Variants in ZPBP observed in about 807,000 individuals in gnomAD.
ZPBP encodes zona pellucida binding protein, also known as zona pellucida-binding protein 1.
A neutral mutation model predicts 44.8 loss-of-function variants in ZPBP; 26 were observed. The observed-to-expected ratio is 0.58, with a 90% CI of 0.43 to 0.81. The LOEUF (loss-of-function observed/expected upper bound fraction) is 0.81, where lower values mean the gene tolerates loss of function less well. Among genes scored for constraint, ZPBP ranks in the 30% least tolerant of loss-of-function variants. ZPBP has a pLI of 0.00. For missense variants in ZPBP, 409 were observed against 434.0 expected, an observed-to-expected ratio of 0.94 and a Z score of 0.51; for synonymous variants, 174 against 153.2, an observed-to-expected ratio of 1.14 and a Z score of -1.00.
chr7:49,850,848 T>C (rs1790147557), intron 2 of ZPBP, among the ~76,000 whole-genome samples: 1 of 152,212 alleles, frequency 6.6e-6, no homozygotes, highest in Non-Finnish European at 1.5e-5. Flanking sequence ...GGTCAGGCAC[T>C]GTGCTGGCCA....
At position 49,929,303 on chromosome 7, in the gene ZPBP, C is replaced by T. The variant is rs117555884; in HGVS notation, n.411+6448G>A. 7.0e-4 allele frequency among the ~76,000 whole-genome samples: 107 copies of T among 152,274 alleles called. No homozygotes were observed. The East Asian group carries it at 0.018, about 25-fold the overall frequency. ...GCAGAAAGAAGGAGAGATGCACCTC[C>T]GCATCTTTTGTCACCATGCTTGATC... On this transcript the variant is annotated intron_variant and non_coding_transcript_variant, in intron 1 of 2. Transcript: ENST00000465922.
intron 2 of ZPBP, among the ~76,000 whole-genome samples, chr7:49,879,411 A>G (rs1013689804): frequency 3.9e-5 from 6 of 152,176 alleles, no homozygotes; most frequent in African/African-American, 1.4e-4. Context: ...AGATGCCATT[A>G]TCTTATCCGG....
At chr7:49,997,462 A>G (rs1584009303) in intron 6 of ZPBP, among the ~76,000 whole-genome samples, 2 of 152,206 alleles carry the variant, frequency 1.3e-5, no homozygotes, top group African/African-American at 4.8e-5. Flanking sequence ...AAACTTAAGT[A>G]GTTATTTTGA....
intron 1 of ZPBP, among the ~76,000 whole-genome samples, chr7:49,902,591 C>T (rs1465433592): frequency 6.7e-6 from 1 of 148,244 alleles, no homozygotes; most frequent in Admixed American, 6.7e-5. Context: ...CCAAACCTCA[C>T]ACCCTATGAA....
At chr7:49,922,568 G>A (rs1794068642) in intron 1 of ZPBP, among the ~76,000 whole-genome samples, 1 of 152,166 alleles carries the variant, frequency 6.6e-6, no homozygotes, top group Non-Finnish European at 1.5e-5. Flanking sequence ...CCAACGGCTG[G>A]AAAAGCCCAA....
At chr7:50,040,509 A>G (rs771043191) in intron 4 of ZPBP, among the ~76,000 whole-genome samples, 11 of 152,218 alleles carry the variant, frequency 7.2e-5, no homozygotes, top group Non-Finnish European at 1.2e-4. Context: ...TGCAGCCTAC[A>G]GTGGGCGAGC....
chr7:49,866,215 A>G (rs906825863), intron 2 of ZPBP, among the ~76,000 whole-genome samples: 1 of 152,134 alleles, frequency 6.6e-6, no homozygotes, highest in African/African-American at 2.4e-5. Context: ...GGGAGAACCA[A>G]TAGACCCTTC....
At chr7:50,042,901 G>C (rs893338150) in intron 4 of ZPBP, among the ~76,000 whole-genome samples, 29 of 152,004 alleles carry the variant, frequency 1.9e-4, no homozygotes, top group Admixed American at 1.5e-3. Flanking sequence ...CCCATCTGTT[G>C]GGAACAAACC....
chr7:50,072,456 T>C (rs564716542), intron 3 of ZPBP, among the ~76,000 whole-genome samples: 2 of 152,370 alleles, frequency 1.3e-5, no homozygotes, highest in East Asian at 1.9e-4. Flanking sequence ...GACAAAGGCC[T>C]GGCTGGCTTT....
chr7:49,903,749 G>T (rs1442750228), intron 1 of ZPBP, among the ~76,000 whole-genome samples: 1 of 152,150 alleles, frequency 6.6e-6, no homozygotes, highest in Non-Finnish European at 1.5e-5. Flanking sequence ...AGGGTTTGTG[G>T]TCTTGCTCCA....
chr7:49,937,187 T>C (rs2128751744), downstream of ZPBP, among the ~76,000 whole-genome samples: 1 of 152,258 alleles, frequency 6.6e-6, no homozygotes, highest in East Asian at 1.9e-4. Flanking sequence ...TACAAGAATA[T>C]GGTGGCCTGG....
chr7:49,972,533 CA>C lies in ZPBP; in HGVS notation c.961+10808del, dbSNP rs758617466. 5.9e-5 allele frequency among the ~76,000 whole-genome samples: 9 copies of C among 151,882 alleles called. No homozygotes were observed. The East Asian group carries it at 1.4e-3, about 23-fold the overall frequency. ...TTAGGAATAAATGTATGCAAGGAGGCAAAAGGCTTGTACACTGAAATCTATA... is the reference window on the plus strand; with the variant it reads ...TTAGGAATAAATGTATGCAAGGAGGCAAAGGCTTGTACACTGAAATCTATA... On this transcript the variant is annotated intron_variant, in intron 7 of 7. Coordinates refer to ENST00000046087, the MANE Select transcript of ZPBP (RefSeq NM_007009.3).
chr7:50,079,678 A>C (rs1802269101), intron 3 of ZPBP, among the ~76,000 whole-genome samples: 1 of 151,708 alleles, frequency 6.6e-6, no homozygotes, highest in Non-Finnish European at 1.5e-5. Context: ...TGTATACTTG[A>C]AATTTTATGA....
intron 5 of ZPBP, among the ~76,000 whole-genome samples, chr7:50,018,930 GAATTTAGCAATGTAGA>G (rs955448302): frequency 1.3e-5 from 2 of 151,990 alleles, no homozygotes; most frequent in African/African-American, 4.8e-5. Context: ...AAATCCCATT[GAATTTAGCAATGTAGA>G]AATGAGTACT....
chr7:50,014,069 G>A (rs1231161323), intron 6 of ZPBP, among the ~76,000 whole-genome samples: 1 of 152,040 alleles, frequency 6.6e-6, no homozygotes, highest in Admixed American at 6.6e-5. Flanking sequence ...TGAAGGAGGA[G>A]ACAATATATT....
chr7:50,052,362 T>A (rs1800738092), intron 4 of ZPBP, among the ~76,000 whole-genome samples: 1 of 152,164 alleles, frequency 6.6e-6, no homozygotes, highest in Non-Finnish European at 1.5e-5. Flanking sequence ...TAATACATCA[T>A]TAGAAATTAT....
chr7:49,881,909 T>A (rs1396069679), intron 2 of ZPBP, among the ~76,000 whole-genome samples: 1 of 152,096 alleles, frequency 6.6e-6, no homozygotes, highest in Non-Finnish European at 1.5e-5. Flanking sequence ...GTATACTCAA[T>A]TTCCAATTAA....
At chr7:50,016,147 C>G (rs1189419161) in intron 6 of ZPBP, among the ~76,000 whole-genome samples, 1 of 152,076 alleles carries the variant, frequency 6.6e-6, no homozygotes, top group Non-Finnish European at 1.5e-5. Flanking sequence ...ATAGCAAAGA[C>G]ATGGAATCAA....
intron 6 of ZPBP, among the ~76,000 whole-genome samples, chr7:50,000,015 T>C (rs1482812115): frequency 1.3e-5 from 2 of 151,776 alleles, no homozygotes; most frequent in Non-Finnish European, 2.9e-5. Flanking sequence ...ATAGGGAGGG[T>C]AGATAGAAGT....
Sources: gnomAD v4.1 joint callset for allele counts (sites outside exome capture counted in the v4.1 genomes callset) on GRCh38, gnomAD v4.1.1 for gene constraint, MANE v1.5 for transcripts, NCBI Gene and HGNC (gene_info 2026-07-23, HGNC 2026-07-21) for gene names.